Variants in GRID2 observed in about 807,000 individuals in gnomAD.
The protein encoded by GRID2 is glutamate ionotropic receptor delta type subunit 2.
In GRID2, 33 loss-of-function variants were observed where a neutral mutation model predicts 114.8. That is an observed-to-expected ratio of 0.29 (90% CI 0.22 to 0.38). The LOEUF (loss-of-function observed/expected upper bound fraction) is 0.38. Among genes scored for constraint, GRID2 ranks in the 10% least tolerant of loss-of-function variants. GRID2 has a pLI of 1.00. For missense variants in GRID2, 1,184 were observed against 1,257.7 expected, an observed-to-expected ratio of 0.94 and a Z score of 0.89; for synonymous variants, 505 against 449.9, an observed-to-expected ratio of 1.12 and a Z score of -1.55.
intron 13 of GRID2, among the ~76,000 whole-genome samples, chr4:93,602,823 C>A (rs1739830170): frequency 6.6e-6 from 1 of 152,160 alleles, no homozygotes; most frequent in Non-Finnish European, 1.5e-5. Flanking sequence ...AAAAGCTAGG[C>A]CTCTTCTGTC....
chr4:93,447,054 T>G (rs183811924), intron 10 of GRID2, among the ~76,000 whole-genome samples: 1 of 151,880 alleles, frequency 6.6e-6, no homozygotes, highest in East Asian at 1.9e-4. Context: ...AATAACATTT[T>G]AAACAAAGAC....
intron 1 of GRID2, among the ~76,000 whole-genome samples, chr4:92,422,244 C>T (rs62311041): frequency 0.14 from 21,425 of 151,794 alleles, 1,834 homozygotes; most frequent in Middle Eastern, 0.21. Context: ...GGTAGTGTGT[C>T]TAAAGTTGAA....
At position 93,679,036 on chromosome 4, in the gene GRID2, A is replaced by T. The variant is rs1015639849; in HGVS notation, c.2360+52601A>T. Among the ~76,000 whole-genome samples, 105 of 151,220 alleles carry T rather than the reference A, an allele frequency of 6.9e-4. 4 individuals are homozygous for T. Among genetic ancestry groups the T allele is most frequent in the Non-Finnish European group, 1.3e-3 (85 of 67,840 alleles). On this transcript the variant is annotated intron_variant, in intron 14 of 15. Transcript: ENST00000282020. The stretch of plus-strand genomic sequence containing the variant: ...GTGTGCTGTATTCAGGAAACCCATC[A>T]CACATGCAGAGACACACATAGGCTC...
intron 14 of GRID2, among the ~76,000 whole-genome samples, chr4:93,751,863 C>T (rs767084306): frequency 1.4e-4 from 21 of 152,168 alleles, no homozygotes; most frequent in Non-Finnish European, 2.4e-4. Flanking sequence ...TTGCCGCCTC[C>T]TTATTTTCCT....
intron 13 of GRID2, among the ~76,000 whole-genome samples, chr4:93,624,102 A>G (rs1441331139): frequency 6.6e-6 from 1 of 152,140 alleles, no homozygotes; most frequent in Non-Finnish European, 1.5e-5. Context: ...ATGTATTTAT[A>G]TTTAATGTAC....
At chr4:93,800,299 T>G (rs565272722) in intron 1 of GRID2, among the ~76,000 whole-genome samples, 73 of 152,308 alleles carry the variant, frequency 4.8e-4, no homozygotes, top group Non-Finnish European at 7.5e-4. Flanking sequence ...TCACTGACAT[T>G]TACAAATGAG....
chr4:92,807,829 G>A (rs1215194730), intron 2 of GRID2, among the ~76,000 whole-genome samples: 2 of 151,976 alleles, frequency 1.3e-5, no homozygotes, highest in African/African-American at 4.8e-5. Flanking sequence ...GTGTGCGTAT[G>A]TGTCTGTCTA....
At chr4:93,092,984 C>T (rs1240262765) in intron 3 of GRID2, among the ~76,000 whole-genome samples, 1 of 152,002 alleles carries the variant, frequency 6.6e-6, no homozygotes, top group Non-Finnish European at 1.5e-5. Context: ...AGGTGCTGAG[C>T]TTGAATGACC....
At chr4:92,853,200 A>C (rs1035326261) in intron 2 of GRID2, among the ~76,000 whole-genome samples, 1 of 152,006 alleles carries the variant, frequency 6.6e-6, no homozygotes, top group African/African-American at 2.4e-5. Flanking sequence ...GACCATCACA[A>C]AGTATCAGAA....
chr4:92,834,215 T>C (rs564380789), intron 2 of GRID2, among the ~76,000 whole-genome samples: 1 of 152,188 alleles, frequency 6.6e-6, no homozygotes, highest in Non-Finnish European at 1.5e-5. Flanking sequence ...ATGAATATCA[T>C]CAATATTTCC....
chr4:92,488,063 G>T (rs529265586), intron 1 of GRID2, among the ~76,000 whole-genome samples: 1 of 152,182 alleles, frequency 6.6e-6, no homozygotes, highest in East Asian at 1.9e-4. Flanking sequence ...TTCTGTTGAT[G>T]AATTCACTGA....
chr4:92,916,946 C>A (rs570209358), intron 2 of GRID2, among the ~76,000 whole-genome samples: 1 of 152,174 alleles, frequency 6.6e-6, no homozygotes, highest in Non-Finnish European at 1.5e-5. Context: ...ACACTGACTT[C>A]CACAATGGTT....
chr4:93,459,630 A>G (rs1040455995), intron 11 of GRID2, among the ~76,000 whole-genome samples: 1 of 152,200 alleles, frequency 6.6e-6, no homozygotes, highest in African/African-American at 2.4e-5. Flanking sequence ...CAATTTATTC[A>G]GTTTTTCAGT....
intron 1 of GRID2, among the ~76,000 whole-genome samples, chr4:92,555,451 C>T (rs767368862): frequency 2.5e-4 from 38 of 152,050 alleles, no homozygotes; most frequent in Admixed American, 2.1e-3. Flanking sequence ...AGTGAAAATC[C>T]ATCTCAGTAG....
intron 8 of GRID2, among the ~76,000 whole-genome samples, chr4:93,335,863 G>GT (rs1260067516): frequency 1.3e-5 from 2 of 151,748 alleles, no homozygotes; most frequent in Admixed American, 6.6e-5. Context: ...TATTCGGCTA[G>GT]TTTTTTTGTA....
intron 8 of GRID2, among the ~76,000 whole-genome samples, chr4:93,347,288 C>T (rs1279756500): frequency 6.6e-6 from 1 of 151,966 alleles, no homozygotes; most frequent in African/African-American, 2.4e-5. Flanking sequence ...GCTAATTTTT[C>T]TTGGTGTTTG....
intron 1 of GRID2, among the ~76,000 whole-genome samples, chr4:92,342,559 A>G (rs1330572458): frequency 6.6e-6 from 1 of 152,222 alleles, no homozygotes; most frequent in Non-Finnish European, 1.5e-5. Flanking sequence ...AGATTTACTC[A>G]TAACCTATAC....
At chr4:92,539,356 G>A (rs1314247908) in intron 1 of GRID2, among the ~76,000 whole-genome samples, 1 of 151,854 alleles carries the variant, frequency 6.6e-6, no homozygotes, top group African/African-American at 2.4e-5. Context: ...GTGCATTAAT[G>A]GTGACAAAAA....
chr4:93,477,498 A>G (rs1725431960), intron 11 of GRID2, among the ~76,000 whole-genome samples: 4 of 152,138 alleles, frequency 2.6e-5, no homozygotes, highest in African/African-American at 9.6e-5. Context: ...TTTCGACCAA[A>G]ACATTCAATT....
Sources: allele counts gnomAD v4.1 joint callset (sites outside exome capture counted in the v4.1 genomes callset), GRCh38; gene constraint gnomAD v4.1.1; transcripts MANE v1.5; gene names NCBI Gene and HGNC (gene_info 2026-07-23, HGNC 2026-07-21).